Variants in WDPCP observed in about 807,000 individuals in gnomAD.
WDPCP encodes the protein WD repeat containing planar cell polarity effector, also known as WD repeat-containing and planar cell polarity effector protein fritz homolog.
In WDPCP, 71 loss-of-function variants were observed where a neutral mutation model predicts 93.1. The observed-to-expected ratio is 0.76, with a 90% confidence interval of 0.63 to 0.93. The LOEUF is 0.93. Among genes scored for constraint, WDPCP ranks in the 40% least tolerant of loss-of-function variants. The pLI is 0.00. For missense variants in WDPCP, 844 were observed against 887.4 expected (o/e 0.95, Z 0.62); for synonymous variants, 315 against 315.0 (o/e 1.00, Z 0.00).
At chr2:63,344,829 T>C (rs1372299588) in intron 12 of WDPCP, among the ~76,000 whole-genome samples, 1 of 152,150 alleles carries the variant, frequency 6.6e-6, no homozygotes, top group Non-Finnish European at 1.5e-5. Flanking sequence ...AGAACAAGGT[T>C]TGTAATGGCC....
At chr2:63,163,175 A>AAAT (rs1244750109) in intron 15 of WDPCP, among the ~76,000 whole-genome samples, 1 of 152,186 alleles carries the variant, frequency 6.6e-6, no homozygotes, top group Non-Finnish European at 1.5e-5. Flanking sequence ...GAGAAAATGG[A>AAAT]AATCTTTTTG....
chr2:63,599,821 G>A (rs1392106505), intron 3 of WDPCP: 1 of 152,124 alleles, frequency 6.6e-6, no homozygotes, highest in Non-Finnish European at 1.5e-5. Context: ...AGGAGCTAAA[G>A]TCTGTTGCTA....
rs373940251 is a variant in WDPCP at position 63,404,152 on chromosome 2, A to C, written c.1331T>G (p.Ile444Arg). The part of the protein sequence containing the change: ...ASSSLVQMQW[I>R]APQVVSQKGE... ...CTTCTGAGAAACAACCTGAGGAGCTATCCATTGCATTTGAACAAGACTGCT... is the reference window on the plus strand; with the variant it reads ...CTTCTGAGAAACAACCTGAGGAGCTCTCCATTGCATTTGAACAAGACTGCT... Residue 444 changes from isoleucine (I) to arginine (R), a missense_variant, in exon 10 of 18, where the codon ATA becomes AGA. Transcript: ENST00000272321. 17 of 1,614,026 alleles carry C rather than the reference A, an allele frequency of 1.1e-5. No homozygotes were observed. Among genetic ancestry groups the C allele is most frequent in the East Asian group, 4.5e-5 (2 of 44,896 alleles).
At chr2:63,298,937 CCTGT>C (rs1301840978) in intron 13 of WDPCP, among the ~76,000 whole-genome samples, 7 of 152,176 alleles carry the variant, frequency 4.6e-5, no homozygotes, top group Non-Finnish European at 1.0e-4. Flanking sequence ...TCCCCAATGT[CCTGT>C]CTTTTTATGT....
At chr2:63,570,834 C>T (rs1370778860) in intron 1 of WDPCP, among the ~76,000 whole-genome samples, 2 of 152,154 alleles carry the variant, frequency 1.3e-5, no homozygotes, top group African/African-American at 4.8e-5. Flanking sequence ...GGAGCATAAA[C>T]TCTGAAGTTA....
At chr2:63,585,411 T>C (rs1230520271) in intron 1 of WDPCP, among the ~76,000 whole-genome samples, 1 of 152,172 alleles carries the variant, frequency 6.6e-6, no homozygotes, top group Admixed American at 6.5e-5. Flanking sequence ...GTTTTTTTTT[T>C]CAGCTAAGGT....
chr2:63,196,581 A>G (rs1168860254), intron 14 of WDPCP, among the ~76,000 whole-genome samples: 1 of 152,212 alleles, frequency 6.6e-6, no homozygotes, highest in Non-Finnish European at 1.5e-5. Flanking sequence ...ATGCCAGCAA[A>G]GGATGGTCTG....
Position 63,539,036 on chromosome 2 carries a change from C to T in WDPCP, c.76-46096G>A, listed in dbSNP as rs577436967. Among the ~76,000 whole-genome samples, 18 of 152,176 alleles carry T rather than the reference C, an allele frequency of 1.2e-4. No homozygotes were observed. In the Middle Eastern group the frequency reaches 0.01, roughly 86 times the overall value. On this transcript the variant is annotated intron_variant, in intron 1 of 17. Coordinates refer to ENST00000272321, the MANE Select transcript of WDPCP (RefSeq NM_015910.7). ...TTTTCTCCTTTGCAATTCTTGAATC[C>T]AAGTCTCCTAGACCTTTAACATACC...
At chr2:63,334,415 G>A (rs1480603088) in intron 12 of WDPCP, among the ~76,000 whole-genome samples, 1 of 152,152 alleles carries the variant, frequency 6.6e-6, no homozygotes, top group Non-Finnish European at 1.5e-5. Flanking sequence ...ACATATGTGA[G>A]ATGAACATTG....
chr2:63,614,697 T>A (rs971538693), intron 3 of WDPCP, among the ~76,000 whole-genome samples: 2 of 152,124 alleles, frequency 1.3e-5, no homozygotes, highest in African/African-American at 4.8e-5. Context: ...TCATAAAACC[T>A]AGAAAGACCT....
At chr2:63,305,771 T>C (rs1685684354) in intron 13 of WDPCP, among the ~76,000 whole-genome samples, 1 of 151,892 alleles carries the variant, frequency 6.6e-6, no homozygotes, top group African/African-American at 2.4e-5. Context: ...TCAAGGAGCA[T>C]GTTCTAACCC....
At chr2:63,528,652 GC>G (rs971431175) in intron 1 of WDPCP, among the ~76,000 whole-genome samples, 69 of 152,304 alleles carry the variant, frequency 4.5e-4, no homozygotes, top group African/African-American at 1.6e-3. Flanking sequence ...GTAGCATGAT[GC>G]CTCCAGCTTT....
intron 14 of WDPCP, among the ~76,000 whole-genome samples, chr2:63,230,307 T>A (rs1678739728): frequency 6.6e-6 from 1 of 152,140 alleles, no homozygotes; most frequent in South Asian, 2.1e-4. Flanking sequence ...GGTGTATATG[T>A]GCCACATTTT....
At chr2:63,650,881 A>G (rs262484) in intron 2 of WDPCP, 120,568 of 152,184 alleles carry the variant, frequency 0.79, 48,243 homozygotes, top group East Asian at 0.98. Context: ...ATTGTTAGTA[A>G]GAGGTAAAAC....
the WDPCP span, among the ~76,000 whole-genome samples, chr2:63,840,706 T>C: frequency 1.5e-3 from 227 of 152,278 alleles, no homozygotes; most frequent in African/African-American, 4.9e-3. Flanking sequence ...TTTTTACTGA[T>C]TGGAAAAATA....
chr2:63,645,361 G>C (rs575871582), intron 3 of WDPCP, among the ~76,000 whole-genome samples: 1 of 152,264 alleles, frequency 6.6e-6, no homozygotes, highest in East Asian at 1.9e-4. Context: ...TGTGATCAGA[G>C]AAGATGCTGG....
At chr2:63,778,379 T>A (rs1316638246) in intron 2 of WDPCP, among the ~76,000 whole-genome samples, 1 of 152,124 alleles carries the variant, frequency 6.6e-6, no homozygotes, top group Middle Eastern at 3.2e-3. Context: ...GGCTAATTTT[T>A]TGTATTTTTA....
At chr2:63,764,564 T>C (rs1670111130) in intron 2 of WDPCP, among the ~76,000 whole-genome samples, 1 of 152,150 alleles carries the variant, frequency 6.6e-6, no homozygotes, top group Non-Finnish European at 1.5e-5. Context: ...AGAGTAGATA[T>C]GGTAAGTGAT....
At chr2:63,556,119 G>A (rs1167545435) in intron 1 of WDPCP, among the ~76,000 whole-genome samples, 1 of 152,200 alleles carries the variant, frequency 6.6e-6, no homozygotes, top group Non-Finnish European at 1.5e-5. Flanking sequence ...CACAGCAGCT[G>A]TTAACCAGAA....
Sources: allele counts gnomAD v4.1 joint callset (sites outside exome capture counted in the v4.1 genomes callset), GRCh38; gene constraint gnomAD v4.1.1; transcripts MANE v1.5; gene names NCBI Gene and HGNC (gene_info 2026-07-23, HGNC 2026-07-21).